SDHAF1: variants seen among roughly 807,000 people sequenced by gnomAD.
SDHAF1 encodes succinate dehydrogenase assembly factor 1, mitochondrial.
For synonymous variants in SDHAF1, 81 were observed against 85.8 expected, an observed-to-expected ratio of 0.94 and a Z score of 0.31; for missense variants, 198 against 179.0, an observed-to-expected ratio of 1.11 and a Z score of -0.61.
In SDHAF1 at chr19:35,995,757, T is replaced by G. The variant is rs530091492; in HGVS notation, c.*135T>G. ...TTGACGAATTGGGGATGTCAGAGAC[T>G]CCTCCTTGGCGACGCAGGGGGCCTA... On this transcript the variant is annotated 3_prime_UTR_variant, in exon 1 of 1. Transcript: ENST00000378887. 3 of 711,152 alleles carry G rather than the reference T, an allele frequency of 4.2e-6. No individual in the cohort carries two copies. Among genetic ancestry groups the G allele is most frequent in the African/African-American group, 3.7e-5 (2 of 53,990 alleles). The allele number at this position is 711,152 out of a possible 1,614,324, so 44.1% of individuals were successfully genotyped here.
rs1298655296 is a variant in SDHAF1, at chr19:35,995,999, ACC to A, written c.*379_*380del. 3.9e-6 allele frequency: 1 copy of A among 257,856 alleles called. No individual in the cohort carries two copies. Among genetic ancestry groups the A allele is most frequent in the African/African-American group, 2.3e-5 (1 of 43,444 alleles). 16.0% of individuals were successfully genotyped at this position (257,856 alleles called of 1,614,324 possible). A position where few individuals can be genotyped will look rare whatever the true frequency, so the allele number is the denominator to read the frequency against. The stretch of plus-strand genomic sequence containing the variant: ...CCCTTCTCTTGACCCCTGAGAACAT[ACC>A]CACTTCTGGCTCCTCAAGGAGTCTC... On this transcript the variant is annotated 3_prime_UTR_variant, in exon 1 of 1. Coordinates refer to ENST00000378887, the MANE Select transcript of SDHAF1 (RefSeq NM_001042631.3).
Position 35,995,522 on chromosome 19 carries a change from G to C in SDHAF1, c.248G>C (p.Gly83Ala). Residue 83 changes from glycine (G) to alanine (A), a missense_variant, in exon 1 of 1, where the codon GGG becomes GCG. By Grantham distance (60) the Gly-to-Ala change is moderately conservative. Coordinates refer to ENST00000378887, the MANE Select transcript of SDHAF1 (RefSeq NM_001042631.3). ...TTCGTACGCCCGCGGGCCCCGACCG[G>C]GGAGCCTGGCGGCGTGGGTTGCCAG... ...GAFVRPRAPTGEPGGVGCQPD... is the reference protein window; with the variant it reads ...GAFVRPRAPTAEPGGVGCQPD... 1 of 1,534,198 alleles carries C rather than the reference G, an allele frequency of 6.5e-7. No homozygotes were observed. The highest frequency in any genetic ancestry group is 1.4e-5 in the African/African-American group (1 of 72,666).
Position 35,995,703 on chromosome 19 carries a change from C to T in SDHAF1, c.*81C>T. 8.9e-7 allele frequency: 1 copy of T among 1,124,774 alleles called. No homozygotes were observed. Among genetic ancestry groups the T allele is most frequent in the South Asian group, 1.3e-5 (1 of 75,308 alleles). 69.7% of individuals were successfully genotyped at this position (1,124,774 alleles called of 1,614,324 possible). The stretch of plus-strand genomic sequence containing the variant: ...CTGCATGGGGGGACTGGGGAACCCG[C>T]CTAAGGTGAGAGGTCTTAAGAGACT... On this transcript the variant is annotated 3_prime_UTR_variant, in exon 1 of 1. Transcript: ENST00000378887.
In SDHAF1 at chr19:35,995,310, G is replaced by C; in HGVS notation, c.36G>C (p.Leu12=). The C allele has an allele frequency of 1.3e-6, 2 of 1,546,778 alleles. No homozygotes were observed. Among genetic ancestry groups the C allele is most frequent in the East Asian group, 2.4e-5 (1 of 42,208 alleles). Residue 12 remains leucine (L), a synonymous_variant, in exon 1 of 1, where the codon CTG becomes CTC. Transcript: ENST00000378887. Reference sequence around the variant, plus strand: ...ACAGCCGGCTGCAGAGGCAGGTTCTGAGCCTGTACCGCGATCTGCTGCGCG... The same window carrying C: ...ACAGCCGGCTGCAGAGGCAGGTTCTCAGCCTGTACCGCGATCTGCTGCGCG... ...SRHSRLQRQV[L]SLYRDLLRAG... is the part of the protein sequence containing the mutation.
In SDHAF1 at chr19:35,995,353, G is replaced by A; in HGVS notation, c.79G>A (p.Gly27Ser). 1 of 1,549,924 alleles carries A rather than the reference G, an allele frequency of 6.5e-7. No individual in the cohort carries two copies. Among genetic ancestry groups the A allele is most frequent in the Non-Finnish European group, 8.7e-7 (1 of 1,155,158 alleles). ...GCTGCGCGCCGGGCGTGGGAAGCCG[G>A]GCGCCGAGGCGCGAGTGCGGGCAGA... ...DLLRAGRGKP[G>S]AEARVRAEFR... The change falls in exon 1 of 1, where the codon GGC becomes AGC. Residue 27 changes from glycine to serine, a missense_variant. Coordinates refer to ENST00000378887, the MANE Select transcript of SDHAF1 (RefSeq NM_001042631.3).
In SDHAF1 at chr19:35,995,491, G is replaced by C. The variant is rs1026980550; in HGVS notation, c.217G>C (p.Gly73Arg). 1 of 1,546,296 alleles carries C rather than the reference G, an allele frequency of 6.5e-7. No homozygotes were observed. The highest frequency in any genetic ancestry group is 1.9e-5 in the Admixed American group (1 of 53,118). The change falls in exon 1 of 1, where the codon GGC becomes CGC. Residue 73 changes from glycine to arginine, a missense_variant. Gly to Arg is a moderately radical substitution (Grantham distance 125). Transcript: ENST00000378887. ...ACGCTCGGGCCACGCCACCGCCATG[G>C]GCGCCTTCGTACGCCCGCGGGCCCC... ...LLRSGHATAM[G>R]AFVRPRAPTG...
rs757546678 is a variant in SDHAF1 at position 35,995,945 on chromosome 19, C to T, written c.*323C>T. 3.7e-5 allele frequency: 15 copies of T among 403,624 alleles called. No individual in the cohort carries two copies. Among genetic ancestry groups the T allele is most frequent in the Non-Finnish European group, 5.6e-5 (12 of 214,534 alleles). 25.0% of individuals were successfully genotyped at this position (403,624 alleles called of 1,614,324 possible). A position where few individuals can be genotyped will look rare whatever the true frequency, so the allele number is the denominator to read the frequency against. On this transcript the variant is annotated 3_prime_UTR_variant, in exon 1 of 1. Transcript: ENST00000378887. ...CCGAAGGTACGGGGAGCCAGGACGA[C>T]CCCCGGTGGACAGGGAGAGCCTGAG...
In SDHAF1 at chr19:35,995,339, G is replaced by A. The variant is rs1208192628; in HGVS notation, c.65G>A (p.Gly22Glu). The stretch of plus-strand genomic sequence containing the variant: ...CTGTACCGCGATCTGCTGCGCGCCG[G>A]GCGTGGGAAGCCGGGCGCCGAGGCG... Reference protein sequence around the residue: ...LSLYRDLLRAGRGKPGAEARV... With the variant: ...LSLYRDLLRAERGKPGAEARV... The change falls in exon 1 of 1, where the codon GGG (glycine) becomes GAG (glutamate). Residue 22 changes from glycine (G) to glutamate (E), a missense_variant. By Grantham distance (98) the Gly-to-Glu change is moderately conservative. Coordinates refer to ENST00000378887, the MANE Select transcript of SDHAF1 (RefSeq NM_001042631.3). The A allele has an allele frequency of 6.5e-7, 1 of 1,549,910 alleles. No individual in the cohort carries two copies. Among genetic ancestry groups the A allele is most frequent in the Non-Finnish European group, 8.7e-7 (1 of 1,154,938 alleles).
Position 35,995,704 on chromosome 19 carries a change from C to G in SDHAF1, c.*82C>G, listed in dbSNP as rs1418230356. On this transcript the variant is annotated 3_prime_UTR_variant, in exon 1 of 1. Coordinates refer to ENST00000378887, the MANE Select transcript of SDHAF1 (RefSeq NM_001042631.3). The stretch of plus-strand genomic sequence containing the variant: ...TGCATGGGGGGACTGGGGAACCCGC[C>G]TAAGGTGAGAGGTCTTAAGAGACTA... 1 of 1,108,920 alleles carries G rather than the reference C, an allele frequency of 9.0e-7. No homozygotes were observed. The highest frequency in any genetic ancestry group is 1.6e-5 in the African/African-American group (1 of 64,278). 68.7% of individuals were successfully genotyped at this position (1,108,920 alleles called of 1,614,324 possible).
At position 35,995,870 on chromosome 19, in the gene SDHAF1, C is replaced by G. The variant is rs552373950; in HGVS notation, c.*248C>G. The stretch of plus-strand genomic sequence containing the variant: ...GCTCCTCCCCCATGAGGGCTTGGGG[C>G]GGCCTGGGACGCTGGCGGGCTGGAC... On this transcript the variant is annotated 3_prime_UTR_variant, in exon 1 of 1. Transcript: ENST00000378887. The G allele has an allele frequency of 1.8e-6, 1 of 546,430 alleles. No individual in the cohort carries two copies. The highest frequency in any genetic ancestry group is 3.3e-6 in the Non-Finnish European group (1 of 302,480). The allele number at this position is 546,430 out of a possible 1,614,324, so 33.8% of individuals were successfully genotyped here. A position where few individuals can be genotyped will look rare whatever the true frequency, so the allele number is the denominator to read the frequency against.
chr19:35,995,674 C>A lies in SDHAF1; in HGVS notation c.*52C>A. 7.2e-7 allele frequency: 1 copy of A among 1,396,398 alleles called. No homozygotes were observed. Among genetic ancestry groups the A allele is most frequent in the Non-Finnish European group, 9.9e-7 (1 of 1,007,484 alleles). 86.5% of individuals were successfully genotyped at this position (1,396,398 alleles called of 1,614,324 possible). On this transcript the variant is annotated 3_prime_UTR_variant, in exon 1 of 1. Coordinates refer to ENST00000378887, the MANE Select transcript of SDHAF1 (RefSeq NM_001042631.3). ...GGCGTGGTGGAGCCAGGAGGCTCGC[C>A]TGACTGCATGGGGGGACTGGGGAAC... is the stretch of plus-strand genomic sequence containing the variant.
chr19:35,995,303 A>C lies in SDHAF1; in HGVS notation c.29A>C (p.Gln10Pro), dbSNP rs1599670818. 1 of 1,546,010 alleles carries C rather than the reference A, an allele frequency of 6.5e-7. No homozygotes were observed. Residue 10 changes from glutamine to proline, a missense_variant, in exon 1 of 1, where the codon CAG (glutamine) becomes CCG (proline). Physicochemically the swap from Gln to Pro is moderately conservative, Grantham distance 76. Transcript: ENST00000378887. ...AGCCGGCACAGCCGGCTGCAGAGGC[A>C]GGTTCTGAGCCTGTACCGCGATCTG... MSRHSRLQRQVLSLYRDLLR... is the reference protein window; with the variant it reads MSRHSRLQRPVLSLYRDLLR...
chr19:35,995,494 G>T lies in SDHAF1; in HGVS notation c.220G>T (p.Ala74Ser), dbSNP rs1012318981. The T allele has an allele frequency of 3.2e-6, 5 of 1,540,682 alleles. No homozygotes were observed. The highest frequency in any genetic ancestry group is 4.3e-6 in the Non-Finnish European group (5 of 1,150,344). ...LRSGHATAMG[A>S]FVRPRAPTGE... ...CTCGGGCCACGCCACCGCCATGGGC[G>T]CCTTCGTACGCCCGCGGGCCCCGAC... The change falls in exon 1 of 1, where the codon GCC (alanine) becomes TCC (serine). Residue 74 changes from alanine (A) to serine (S), a missense_variant. Transcript: ENST00000378887.
chr19:35,995,274 C>G lies in SDHAF1; in HGVS notation c.-1C>G. On this transcript the variant is annotated 5_prime_UTR_variant, in exon 1 of 1. Coordinates refer to ENST00000378887, the MANE Select transcript of SDHAF1 (RefSeq NM_001042631.3). Reference sequence around the variant, plus strand: ...CTGAGCGTCTCTGCTTAGCCGCGGTCATGAGCCGGCACAGCCGGCTGCAGA... The same window carrying G: ...CTGAGCGTCTCTGCTTAGCCGCGGTGATGAGCCGGCACAGCCGGCTGCAGA... 2.0e-6 allele frequency: 3 copies of G among 1,534,412 alleles called. No individual in the cohort carries two copies. In the East Asian group the frequency reaches 7.3e-5, roughly 37 times the overall value.
chr19:35,995,438 G>T lies in SDHAF1; in HGVS notation c.164G>T (p.Arg55Leu). 1.3e-6 allele frequency: 2 copies of T among 1,567,702 alleles called. No individual in the cohort carries two copies. The highest frequency in any genetic ancestry group is 1.7e-6 in the Non-Finnish European group (2 of 1,164,736). Residue 55 changes from arginine to leucine, a missense_variant, in exon 1 of 1, where the codon CGC becomes CTC. Coordinates refer to ENST00000378887, the MANE Select transcript of SDHAF1 (RefSeq NM_001042631.3). ...GTGCTGCGCATCGAGTACCTGTACC[G>T]CCGCGGGCGGCGCCAGCTGCAGCTG... ...SDVLRIEYLY[R>L]RGRRQLQLLR...
chr19:35,995,504 G>A lies in SDHAF1; in HGVS notation c.230G>A (p.Arg77His), dbSNP rs1215854432. 1.3e-6 allele frequency: 2 copies of A among 1,536,480 alleles called. No homozygotes were observed. The highest frequency in any genetic ancestry group is 1.7e-6 in the Non-Finnish European group (2 of 1,148,038). ...GCCACCGCCATGGGCGCCTTCGTAC[G>A]CCCGCGGGCCCCGACCGGGGAGCCT... ...GHATAMGAFV[R>H]PRAPTGEPGG... The change falls in exon 1 of 1, where the codon CGC (arginine) becomes CAC (histidine). Residue 77 changes from arginine to histidine, a missense_variant. By Grantham distance (29) the Arg-to-His change is conservative. Coordinates refer to ENST00000378887, the MANE Select transcript of SDHAF1 (RefSeq NM_001042631.3).
rs1380413950 is a variant in SDHAF1 at position 35,995,844 on chromosome 19, TGC to T, written c.*223_*224del. The T allele has an allele frequency of 1.3e-4, 74 of 574,094 alleles. No individual in the cohort carries two copies. The highest frequency in any genetic ancestry group is 2.1e-4 in the Non-Finnish European group (68 of 318,710). The allele number at this position is 574,094 out of a possible 1,614,324, so 35.6% of individuals were successfully genotyped here. ...TTTCCGATGCTTGGAGACAGGTCGGTGCTCCTCCCCCATGAGGGCTTGGGGCG... is the reference window on the plus strand; with the variant it reads ...TTTCCGATGCTTGGAGACAGGTCGGTTCCTCCCCCATGAGGGCTTGGGGCG... On this transcript the variant is annotated 3_prime_UTR_variant, in exon 1 of 1. Coordinates refer to ENST00000378887, the MANE Select transcript of SDHAF1 (RefSeq NM_001042631.3).
rs1374279067 is a variant in SDHAF1 at position 35,995,231 on chromosome 19, C to T, written c.-44C>T. Reference sequence around the variant, plus strand: ...CTTTGCTGGCTGTGTGGCGGCTCCGCGGTTCGCAGGTCGTTCGCTGAGCGT... The same window carrying T: ...CTTTGCTGGCTGTGTGGCGGCTCCGTGGTTCGCAGGTCGTTCGCTGAGCGT... On this transcript the variant is annotated 5_prime_UTR_variant, in exon 1 of 1. Transcript: ENST00000378887. The T allele has an allele frequency of 2.9e-6, 4 of 1,390,704 alleles. No individual in the cohort carries two copies. Among genetic ancestry groups the T allele is most frequent in the Non-Finnish European group, 2.9e-6 (3 of 1,023,422 alleles). 86.1% of individuals were successfully genotyped at this position (1,390,704 alleles called of 1,614,324 possible).
Position 35,995,320 on chromosome 19 carries a change from C to T in SDHAF1, c.46C>T (p.Arg16Cys), listed in dbSNP as rs777257006. 1.7e-5 allele frequency: 26 copies of T among 1,548,242 alleles called. No homozygotes were observed. In the East Asian group the frequency reaches 5.0e-4, roughly 30 times the overall value. The change falls in exon 1 of 1, where the codon CGC (arginine) becomes TGC (cysteine). Residue 16 changes from arginine to cysteine, a missense_variant. Transcript: ENST00000378887. ...GCAGAGGCAGGTTCTGAGCCTGTAC[C>T]GCGATCTGCTGCGCGCCGGGCGTGG... ...RLQRQVLSLYRDLLRAGRGKP... is the reference protein window; with the variant it reads ...RLQRQVLSLYCDLLRAGRGKP...
Sources: allele counts gnomAD v4.1 joint callset, GRCh38; gene constraint gnomAD v4.1.1; transcripts MANE v1.5; gene names NCBI Gene and HGNC (gene_info 2026-07-23, HGNC 2026-07-21).